CFAP77: variants seen among roughly 807,000 people sequenced by gnomAD.
CFAP77 encodes the protein cilia and flagella associated protein 77, also known as cilia- and flagella-associated protein 77.
CFAP77 carries 25 observed loss-of-function variants against 31.1 expected under a neutral mutation model. The ratio of observed to expected loss-of-function variants is 0.80; its 90% CI spans 0.59 to 1.12. The LOEUF is 1.12. Ranked by LOEUF, CFAP77 falls within the 50% of genes most tolerant of loss-of-function variation. The pLI, the probability that CFAP77 is intolerant of heterozygous loss-of-function variation, is 0.00. For missense variants in CFAP77, 377 were observed against 397.3 expected (o/e 0.95, Z 0.44); for synonymous variants, 151 against 159.9 (o/e 0.94, Z 0.42).
chr9:132,413,080 GA>G (rs1248642983), intron 1 of CFAP77, among the ~76,000 whole-genome samples: 2 of 152,174 alleles, frequency 1.3e-5, no homozygotes, highest in Non-Finnish European at 2.9e-5. Flanking sequence ...TAGCACCTTA[GA>G]AATAGGCATT....
intron 3 of CFAP77, among the ~76,000 whole-genome samples, chr9:132,502,994 T>C (rs1202553305): frequency 6.6e-6 from 1 of 152,172 alleles, no homozygotes; most frequent in Non-Finnish European, 1.5e-5. Context: ...TTCTTCAAAG[T>C]TCAGCTCAGC....
At chr9:132,471,066 G>T (rs1751813665) in intron 1 of CFAP77, among the ~76,000 whole-genome samples, 1 of 152,088 alleles carries the variant, frequency 6.6e-6, no homozygotes. Context: ...ACTTGTGTGG[G>T]CCCCTATAAG....
intron 1 of CFAP77, among the ~76,000 whole-genome samples, chr9:132,470,029 G>C (rs905083010): frequency 3.9e-5 from 6 of 151,970 alleles, no homozygotes; most frequent in Non-Finnish European, 8.8e-5. Context: ...AGTAGAGACG[G>C]GGTTTCTCCA....
At chr9:132,491,062 G>A (rs1172632883) in intron 1 of CFAP77, among the ~76,000 whole-genome samples, 1 of 152,090 alleles carries the variant, frequency 6.6e-6, no homozygotes, top group Non-Finnish European at 1.5e-5. Context: ...GTCCAGGGTC[G>A]GTGCCTGCCT....
At chr9:132,544,181 G>A (rs1233428182) in intron 5 of CFAP77, among the ~76,000 whole-genome samples, 1 of 152,214 alleles carries the variant, frequency 6.6e-6, no homozygotes, top group Non-Finnish European at 1.5e-5. Context: ...GGCCTCTCAT[G>A]TCCTGCCCAA....
In CFAP77 at chr9:132,499,406, C is replaced by CA; in HGVS notation, c.331dup (p.Thr111AsnfsTer36). 1 of 1,614,224 alleles carries CA rather than the reference C, an allele frequency of 6.2e-7. No individual in the cohort carries two copies. Among genetic ancestry groups the CA allele is most frequent in the Non-Finnish European group, 8.5e-7 (1 of 1,180,044 alleles). Reference sequence around the variant, plus strand: ...GCTGGAACGTGTTCAAGCAGCAGCCCACCTGCCCCCACGAGCTGACCCGGA... The same window carrying CA: ...GCTGGAACGTGTTCAAGCAGCAGCCCAACCTGCCCCCACGAGCTGACCCGGA... On this transcript the variant is annotated frameshift_variant, in exon 3 of 6. Coordinates refer to ENST00000393216, the MANE Select transcript of CFAP77 (RefSeq NM_001282957.2). LOFTEE classifies it high-confidence loss of function. This position sits in a 1 kb window ranked among gnomAD's most constrained non-coding sequence, Gnocchi z 5.4.
At chr9:132,463,563 C>T (rs1268266582) in intron 1 of CFAP77, among the ~76,000 whole-genome samples, 5 of 152,172 alleles carry the variant, frequency 3.3e-5, no homozygotes, top group African/African-American at 4.8e-5. Flanking sequence ...AGGTTACTCA[C>T]AGTAGAGGAG....
Position 132,422,118 on chromosome 9 carries a change from C to A in CFAP77, c.195+11652C>A, listed in dbSNP as rs766832839. ...CCGCCACCCAGGTTCAAGTGATTCT[C>A]CTGCCTCAGCCTCCCCAGTATCTGG... On this transcript the variant is annotated intron_variant, in intron 1 of 5. Transcript: ENST00000393216. Among the ~76,000 whole-genome samples the A allele has an allele frequency of 7.2e-5, 11 of 152,248 alleles. No individual in the cohort carries two copies. The South Asian group carries it at 8.3e-4, about 11-fold the overall frequency.
chr9:132,425,046 A>G (rs1368763338), intron 1 of CFAP77, among the ~76,000 whole-genome samples: 1 of 152,208 alleles, frequency 6.6e-6, no homozygotes. Flanking sequence ...GGGCGGCGGG[A>G]GGGATTAATT....
chr9:132,471,641 A>G (rs140777119), intron 1 of CFAP77, among the ~76,000 whole-genome samples: 1 of 152,250 alleles, frequency 6.6e-6, no homozygotes, highest in African/African-American at 2.4e-5. Flanking sequence ...TAACCCAGCT[A>G]TTACAGGATT....
At chr9:132,522,374 A>C (rs1346267525) in intron 3 of CFAP77, among the ~76,000 whole-genome samples, 2 of 151,396 alleles carry the variant, frequency 1.3e-5, no homozygotes, top group African/African-American at 4.9e-5. Flanking sequence ...AAGCCATTTG[A>C]CCTCTCTGGG....
chr9:132,537,568 G>A, intron 3 of CFAP77, 33 bp from the exon 4 acceptor site: 1 of 1,550,774 alleles, frequency 6.4e-7, no homozygotes. Flanking sequence ...TCTTTCCGGG[G>A]CCTCAAGCTC....
chr9:132,565,022 T>A lies in CFAP77; in HGVS notation c.733-7366T>A, dbSNP rs1467934725. ...AGAGTTAGATTCGATATCACTAAGG[T>A]CTCTTCCAAACCTAACTCTCTGGGA... On this transcript the variant is annotated intron_variant, in intron 5 of 5. Coordinates refer to ENST00000393216, the MANE Select transcript of CFAP77 (RefSeq NM_001282957.2). The surrounding 1 kb of genome is among the most constrained non-coding windows in gnomAD (Gnocchi z 4.1). Among the ~76,000 whole-genome samples the A allele has an allele frequency of 6.6e-6, 1 of 151,838 alleles. No individual in the cohort carries two copies. Among genetic ancestry groups the A allele is most frequent in the Admixed American group, 6.6e-5 (1 of 15,230 alleles).
intron 1 of CFAP77, among the ~76,000 whole-genome samples, chr9:132,476,457 G>A (rs1455754453): frequency 6.6e-6 from 1 of 152,052 alleles, no homozygotes; most frequent in Non-Finnish European, 1.5e-5. Context: ...GGGCACACAG[G>A]TGGTGTCTGT....
At chr9:132,457,041 A>C (rs1016031369) in intron 1 of CFAP77, among the ~76,000 whole-genome samples, 8 of 152,164 alleles carry the variant, frequency 5.3e-5, no homozygotes, top group Admixed American at 2.6e-4. Flanking sequence ...CCCCAGGCAG[A>C]TCTTTAAAAA....
intron 4 of CFAP77, among the ~76,000 whole-genome samples, chr9:132,538,119 A>C (rs1321945719): frequency 6.6e-6 from 1 of 152,278 alleles, no homozygotes; most frequent in African/African-American, 2.4e-5. Flanking sequence ...CCAATAAGGC[A>C]AAGTTGAAAA....
rs537197918 is a variant in CFAP77 at position 132,545,321 on chromosome 9, A to T, written c.732+2274A>T. Among the ~76,000 whole-genome samples, 66 of 152,366 alleles carry T rather than the reference A, an allele frequency of 4.3e-4. 1 individual carries two copies. In the South Asian group the frequency reaches 0.011, roughly 26 times the overall value. On this transcript the variant is annotated intron_variant, in intron 5 of 5. Coordinates refer to ENST00000393216, the MANE Select transcript of CFAP77 (RefSeq NM_001282957.2). The surrounding 1 kb of genome is among the most constrained non-coding windows in gnomAD (Gnocchi z 4.6). Reference sequence around the variant, plus strand: ...AACAAGAGTCCTGACCAGGTGGTGCAGATGAAAGGCAGAGGGGGAGCACCT... The same window carrying T: ...AACAAGAGTCCTGACCAGGTGGTGCTGATGAAAGGCAGAGGGGGAGCACCT...
chr9:132,557,104 G>C (rs1056601534), intron 5 of CFAP77, among the ~76,000 whole-genome samples: 1 of 152,196 alleles, frequency 6.6e-6, no homozygotes, highest in African/African-American at 2.4e-5. Context: ...CGATGGCGCG[G>C]CGGTTATCAT....
Position 132,413,767 on chromosome 9 carries a change from G to A in CFAP77, c.195+3301G>A, listed in dbSNP as rs557298335. 2.6e-5 allele frequency among the ~76,000 whole-genome samples: 4 copies of A among 152,318 alleles called. No homozygotes were observed. In the South Asian group the frequency reaches 8.3e-4, roughly 32 times the overall value. On this transcript the variant is annotated intron_variant, in intron 1 of 5. Transcript: ENST00000393216. Reference sequence around the variant, plus strand: ...CTGTCTCCCTGGAGAGGCTGCCTATGTACGGGGGTGGAATTTATGGAATCG... The same window carrying A: ...CTGTCTCCCTGGAGAGGCTGCCTATATACGGGGGTGGAATTTATGGAATCG...
Sources: allele counts gnomAD v4.1 joint callset (sites outside exome capture counted in the v4.1 genomes callset), GRCh38; gene constraint gnomAD v4.1.1; non-coding constraint Gnocchi (gnomAD v3.1); transcripts MANE v1.5; gene names NCBI Gene and HGNC (gene_info 2026-07-23, HGNC 2026-07-21).